SMTN: variants seen among roughly 807,000 people sequenced by gnomAD.
SMTN encodes smoothelin.
Under a neutral mutation model 102.0 loss-of-function variants are expected in SMTN, and 58 were observed. The ratio of observed to expected loss-of-function variants is 0.57; its 90% CI spans 0.46 to 0.71. The LOEUF (loss-of-function observed/expected upper bound fraction) is 0.71. SMTN is among the 30% of genes least tolerant of loss of function. The probability of loss-of-function intolerance (pLI) is 0.00; values close to 1 mark genes in which losing one functional copy is unlikely to be tolerated. For synonymous variants in SMTN, 478 were observed against 497.9 expected, an observed-to-expected ratio of 0.96 and a Z score of 0.53; for missense variants, 1,185 against 1,241.7, an observed-to-expected ratio of 0.95 and a Z score of 0.69.
At chr22:31,071,056 A>G (rs1234920355) in intron 1 of SMTN, among the ~76,000 whole-genome samples, 4 of 151,912 alleles carry the variant, frequency 2.6e-5, no homozygotes, top group African/African-American at 4.8e-5. Context: ...TCTGGGCAAC[A>G]CAGCAAGATC....
At chr22:31,094,378 A>G (rs1205292468) in intron 11 of SMTN, among the ~76,000 whole-genome samples, 1 of 152,214 alleles carries the variant, frequency 6.6e-6, no homozygotes, top group Non-Finnish European at 1.5e-5. Context: ...AGCCCCAGTC[A>G]GACACCTGGT....
chr22:31,081,246 G>A (rs1324686375), upstream of SMTN: 1 of 152,244 alleles, frequency 6.6e-6, no homozygotes, highest in Admixed American at 6.5e-5. Flanking sequence ...GTACCCAATC[G>A]AGGGTTGGCT....
rs376005476 is a variant in SMTN at position 31,093,650 on chromosome 22, G to A, written c.1633-1653G>A. Reference sequence around the variant, plus strand: ...GCAGAGAGAGCAGCACTGAGCCGGCGGCTGGATGCACTGAGCAGGCAGGTG... The same window carrying A: ...GCAGAGAGAGCAGCACTGAGCCGGCAGCTGGATGCACTGAGCAGGCAGGTG... On this transcript the variant is annotated intron_variant, in intron 11 of 20. Coordinates refer to ENST00000333137, the MANE Select transcript of SMTN (RefSeq NM_134269.3). 3.6e-4 allele frequency: 281 copies of A among 784,174 alleles called. 1 individual carries two copies. The highest frequency in any genetic ancestry group is 1.6e-3 in the Middle Eastern group (7 of 4,452). The allele number at this position is 784,174 out of a possible 1,614,324, so 48.6% of individuals were successfully genotyped here.
chr22:31,097,190 C>T (rs1372688724), intron 15 of SMTN, 79 bp from the exon 16 acceptor site: 1 of 1,498,652 alleles, frequency 6.7e-7, no homozygotes, highest in African/African-American at 1.4e-5. Context: ...GCTATCACCA[C>T]CCCTCCATAC....
At chr22:31,082,951 C>T in intron 1 of SMTN, 1 of 1,505,894 alleles carries the variant, frequency 6.6e-7, no homozygotes, top group Non-Finnish European at 9.0e-7. Flanking sequence ...ACACAGCAGA[C>T]TGGCGGCCAA....
Position 31,091,262 on chromosome 22 carries a change from G to C in SMTN, c.1239G>C (p.Glu413Asp), listed in dbSNP as rs763869285. 55 of 1,602,228 alleles carry C rather than the reference G, an allele frequency of 3.4e-5. No homozygotes were observed. The highest frequency in any genetic ancestry group is 4.5e-5 in the Non-Finnish European group (53 of 1,174,808). The change falls in exon 10 of 21, where the codon GAG (glutamate) becomes GAC (aspartate). Residue 413 changes from glutamate (E) to aspartate (D), a missense_variant. Physicochemically the swap from Glu to Asp is conservative, Grantham distance 45. Around this residue, in one of 2 missense-constraint regions of SMTN, gnomAD observed 1,096 missense variants for 1,112.7 expected, o/e 0.98. Coordinates refer to ENST00000333137, the MANE Select transcript of SMTN (RefSeq NM_134269.3). ...PLAQLRSCPQ[E>D]EGPRGRGLAA... Reference sequence around the variant, plus strand: ...CCCAGCTTCGAAGCTGCCCCCAGGAGGAGGGCCCCAGGGGGCGGGGCTTGG... The same window carrying C: ...CCCAGCTTCGAAGCTGCCCCCAGGACGAGGGCCCCAGGGGGCGGGGCTTGG...
chr22:31,082,534 G>C (rs2042377329), intron 1 of SMTN: 1 of 491,894 alleles, frequency 2.0e-6, no homozygotes, highest in Non-Finnish European at 4.2e-6. Flanking sequence ...GAAATCCAGG[G>C]GTTGGGCAGG....
At chr22:31,088,677 G>T (rs775029027) in intron 4 of SMTN, 22 bp from the exon 5 acceptor site, 1 of 1,613,740 alleles carries the variant, frequency 6.2e-7, no homozygotes, top group Non-Finnish European at 8.5e-7. Flanking sequence ...CCCAACACCC[G>T]CGACCTGTCT....
Position 31,104,402 on chromosome 22 carries a change from A to G in SMTN, c.*107A>G. 2 of 1,614,068 alleles carry G rather than the reference A, an allele frequency of 1.2e-6. No individual in the cohort carries two copies. The highest frequency in any genetic ancestry group is 1.7e-6 in the Non-Finnish European group (2 of 1,179,988). ...CCTGACCCCAAGTGTGTCTTCACCT[A>G]TGTGCAGTCGCTCTACAACCACCTG... On this transcript the variant is annotated 3_prime_UTR_variant, in exon 21 of 21. Coordinates refer to ENST00000333137, the MANE Select transcript of SMTN (RefSeq NM_134269.3).
chr22:31,079,106 A>G (rs2042199207), upstream of SMTN, among the ~76,000 whole-genome samples: 1 of 152,206 alleles, frequency 6.6e-6, no homozygotes, highest in South Asian at 2.1e-4. Context: ...TATCTTGCAC[A>G]GTGGTCACCT....
rs192165351 is a variant in SMTN, at chr22:31,100,011, G to A, written c.2603+115G>A. ...CGGGCCAGCCACATTGTCAGTCAGC[G>A]GCTGAGACCCCCTTCCCCAGAGAGT... On this transcript the variant is annotated intron_variant, in intron 19 of 20. Transcript: ENST00000333137. 494 of 1,002,978 alleles carry A rather than the reference G, an allele frequency of 4.9e-4. 3 individuals are homozygous for A. In the African/African-American group the frequency reaches 7.2e-3, roughly 15 times the overall value. 62.1% of individuals were successfully genotyped at this position (1,002,978 alleles called of 1,614,324 possible).
chr22:31,088,996 T>C, intron 6 of SMTN, 27 bp downstream of exon 6: 1 of 1,570,076 alleles, frequency 6.4e-7, no homozygotes. Flanking sequence ...AGTGGCCCAG[T>C]GTCCTGTGCC....
Position 31,095,168 on chromosome 22 carries a change from C to T in SMTN, c.1633-135C>T. 2.3e-6 allele frequency: 2 copies of T among 870,220 alleles called. No individual in the cohort carries two copies. The highest frequency in any genetic ancestry group is 2.6e-5 in the Admixed American group (1 of 38,146). 53.9% of individuals were successfully genotyped at this position (870,220 alleles called of 1,614,324 possible). On this transcript the variant is annotated intron_variant, in intron 11 of 20. Coordinates refer to ENST00000333137, the MANE Select transcript of SMTN (RefSeq NM_134269.3). This position sits in a 1 kb window ranked among gnomAD's most constrained non-coding sequence, Gnocchi z 4.1. Reference sequence around the variant, plus strand: ...TGACGCTGACATGGCCATCTTTGGGCAGGCAGGCTGGCAGGCTAGTGGTTA... The same window carrying T: ...TGACGCTGACATGGCCATCTTTGGGTAGGCAGGCTGGCAGGCTAGTGGTTA...
intron 2 of SMTN, chr22:31,083,534 C>T (rs765185206): frequency 1.9e-6 from 1 of 515,276 alleles, no homozygotes; most frequent in Non-Finnish European, 3.4e-6. Flanking sequence ...CAACCCTCCA[C>T]AGCCACCACC....
At chr22:31,074,756 C>T (rs1408619731) in intron 1 of SMTN, among the ~76,000 whole-genome samples, 1 of 152,102 alleles carries the variant, frequency 6.6e-6, no homozygotes, top group Non-Finnish European at 1.5e-5. Flanking sequence ...GAGATTGTGC[C>T]ATTGCACTCC....
At chr22:31,069,111 T>C (rs2041933761) in intron 1 of SMTN, among the ~76,000 whole-genome samples, 2 of 152,158 alleles carry the variant, frequency 1.3e-5, no homozygotes, top group African/African-American at 4.8e-5. Flanking sequence ...CCCCTCCTAC[T>C]CCCTGTTGTT....
chr22:31,091,560 C>G, intron 10 of SMTN, 78 bp downstream of exon 10: 1 of 1,506,976 alleles, frequency 6.6e-7, no homozygotes, highest in Admixed American at 2.2e-5. Flanking sequence ...GGTGCTGCGG[C>G]CAGGACTCAG....
intron 2 of SMTN, chr22:31,087,328 C>T (rs940285713): frequency 5.3e-5 from 8 of 152,282 alleles, no homozygotes; most frequent in African/African-American, 1.9e-4. Flanking sequence ...CCCCTAGTGC[C>T]AGCCACCTTA....
In SMTN at chr22:31,091,376, C is replaced by G; in HGVS notation, c.1353C>G (p.Ala451=). The change falls in exon 10 of 21, where the codon GCC becomes GCG. Residue 451 remains alanine (A), a synonymous_variant. Coordinates refer to ENST00000333137, the MANE Select transcript of SMTN (RefSeq NM_134269.3). ...GAPLPVAVGT[A]EPGGSMKTTF... ...CGCTGCCCGTGGCCGTCGGCACTGC[C>G]GAGCCAGGGGGCAGTATGAAGACCA... The G allele has an allele frequency of 6.2e-7, 1 of 1,602,530 alleles. No homozygotes were observed. The highest frequency in any genetic ancestry group is 8.5e-7 in the Non-Finnish European group (1 of 1,177,456).
Sources: allele counts gnomAD v4.1 joint callset (sites outside exome capture counted in the v4.1 genomes callset), GRCh38; gene constraint gnomAD v4.1.1; regional missense constraint gnomAD v4.1.1; non-coding constraint Gnocchi (gnomAD v3.1); transcripts MANE v1.5; gene names NCBI Gene and HGNC (gene_info 2026-07-23, HGNC 2026-07-21).